The following CAMK4 variants were observed in gnomAD, a reference collection of about 807,000 sequenced individuals.
CAMK4 encodes calcium/calmodulin-dependent protein kinase type IV.
CAMK4 carries 22 observed loss-of-function variants against 44.9 expected under a neutral mutation model. The ratio of observed to expected loss-of-function variants is 0.49; its 90% CI spans 0.35 to 0.70. CAMK4 has a LOEUF of 0.70. Ranked by LOEUF, CAMK4 falls within the 30% of genes least tolerant of loss-of-function variation. The probability of loss-of-function intolerance (pLI) is 0.01; values close to 1 mark genes in which losing one functional copy is unlikely to be tolerated. For synonymous variants in CAMK4, 218 were observed against 215.4 expected (o/e 1.01, Z -0.11); for missense variants, 498 against 586.8 (o/e 0.85, Z 1.56).
chr5:111,397,649 CTGTGTGTGTGTGTG>C (rs3066726), intron 5 of CAMK4, among the ~76,000 whole-genome samples: 1 of 88,504 alleles, frequency 1.1e-5, no homozygotes, highest in Non-Finnish European at 2.4e-5. Context: ...AGTCAGCATG[CTGTGTGTGTGTGTG>C]TGTGTGTGTG....
At chr5:111,241,109 A>G (rs1265873640) in intron 1 of CAMK4, among the ~76,000 whole-genome samples, 1 of 152,082 alleles carries the variant, frequency 6.6e-6, no homozygotes, top group Non-Finnish European at 1.5e-5. Context: ...TTTTATTTGA[A>G]TAATAATAAT....
In CAMK4 at chr5:111,431,729, A is replaced by G. The variant is rs375668284; in HGVS notation, c.460-14957A>G. Among the ~76,000 whole-genome samples, 4 of 152,338 alleles carry G rather than the reference A, an allele frequency of 2.6e-5. No individual in the cohort carries two copies. The East Asian group carries it at 7.7e-4, about 29-fold the overall frequency. On this transcript the variant is annotated intron_variant, in intron 5 of 10. Coordinates refer to ENST00000282356, the MANE Select transcript of CAMK4 (RefSeq NM_001744.6). ...TTGAATAGACATTTCTCAAAAGAAG[A>G]CATACAAATGGCAAACAGGCATATG...
At chr5:111,320,983 T>G (rs983736217) in intron 1 of CAMK4, among the ~76,000 whole-genome samples, 4 of 152,182 alleles carry the variant, frequency 2.6e-5, no homozygotes, top group African/African-American at 9.7e-5. Flanking sequence ...ATTGTCTGAT[T>G]TGTGAAATGG....
Position 111,492,493 on chromosome 5 carries a change from C to A in CAMK4, c.*8027C>A, listed in dbSNP as rs753825735. On this transcript the variant is annotated 3_prime_UTR_variant, in exon 11 of 11. Coordinates refer to ENST00000282356, the MANE Select transcript of CAMK4 (RefSeq NM_001744.6). The stretch of plus-strand genomic sequence containing the variant: ...AATGTAGATTAGGATTCCACATTCT[C>A]CCCTGCCCATCTTCTTGATTGCTCA... The A allele has an allele frequency of 5.3e-5, 8 of 152,158 alleles. No individual in the cohort carries two copies. Among genetic ancestry groups the A allele is most frequent in the Non-Finnish European group, 8.8e-5 (6 of 68,018 alleles). The allele number at this position is 152,158 out of a possible 1,614,324, so 9.4% of individuals were successfully genotyped here. A position where few individuals can be genotyped will look rare whatever the true frequency, so the allele number is the denominator to read the frequency against.
intron 7 of CAMK4, among the ~76,000 whole-genome samples, chr5:111,460,943 A>T (rs1402384691): frequency 6.6e-6 from 1 of 152,212 alleles, no homozygotes; most frequent in East Asian, 1.9e-4. Flanking sequence ...AAGATGAGGG[A>T]AATAAACAGA....
At chr5:111,312,433 T>G (rs1457307380) in intron 1 of CAMK4, among the ~76,000 whole-genome samples, 1 of 152,202 alleles carries the variant, frequency 6.6e-6, no homozygotes, top group Non-Finnish European at 1.5e-5. Context: ...TGAAATGAGA[T>G]AATGCCTGTG....
intron 1 of CAMK4, among the ~76,000 whole-genome samples, chr5:111,242,292 AG>A (rs1749035150): frequency 6.6e-6 from 1 of 152,140 alleles, no homozygotes; most frequent in Non-Finnish European, 1.5e-5. Flanking sequence ...GAGTCTTTGA[AG>A]GGGTATAATA....
At chr5:111,248,641 G>A (rs1042680765) in intron 1 of CAMK4, among the ~76,000 whole-genome samples, 2 of 152,054 alleles carry the variant, frequency 1.3e-5, no homozygotes, top group Admixed American at 1.3e-4. Flanking sequence ...GGTATATGTT[G>A]TGCCTGATTC....
intron 1 of CAMK4, among the ~76,000 whole-genome samples, chr5:111,341,651 A>G (rs1561425068): frequency 6.6e-6 from 1 of 151,330 alleles, no homozygotes; most frequent in Non-Finnish European, 1.5e-5. Context: ...GAAATATGTA[A>G]CAATTACAGT....
chr5:111,464,173 T>G (rs750091960), intron 7 of CAMK4, among the ~76,000 whole-genome samples: 1 of 151,544 alleles, frequency 6.6e-6, no homozygotes, highest in Non-Finnish European at 1.5e-5. Flanking sequence ...GACGGACACA[T>G]TTAGAGAAAT....
At chr5:111,400,181 C>A (rs1752171872) in intron 5 of CAMK4, among the ~76,000 whole-genome samples, 1 of 151,776 alleles carries the variant, frequency 6.6e-6, no homozygotes, top group Non-Finnish European at 1.5e-5. Context: ...ACATTCAAAT[C>A]AAATGTTCCT....
intron 7 of CAMK4, among the ~76,000 whole-genome samples, chr5:111,454,827 A>G (rs1260540636): frequency 2.0e-5 from 3 of 150,386 alleles, no homozygotes; most frequent in Admixed American, 1.3e-4. Context: ...AAGTTGTTAG[A>G]GTAGAAAAGA....
intron 8 of CAMK4, among the ~76,000 whole-genome samples, chr5:111,474,095 A>G (rs941303543): frequency 6.6e-6 from 1 of 152,108 alleles, no homozygotes. Flanking sequence ...TAGAACAACT[A>G]GAAAATAAGA....
rs77881917 is a variant in CAMK4, at chr5:111,446,871, C to T, written c.550+95C>T. On this transcript the variant is annotated intron_variant, in intron 6 of 10. Transcript: ENST00000282356. ...TTAAATATTGCTCCATCCAGTTTTA[C>T]ATCCATTCAGTTTTCCTGAATAATT... is the stretch of plus-strand genomic sequence containing the variant. 349 of 773,886 alleles carry T rather than the reference C, an allele frequency of 4.5e-4. 1 individual carries two copies. The African/African-American group carries it at 5.1e-3, about 11-fold the overall frequency. The allele number at this position is 773,886 out of a possible 1,614,324, so 47.9% of individuals were successfully genotyped here.
intron 5 of CAMK4, among the ~76,000 whole-genome samples, chr5:111,411,212 G>A (rs1051725298): frequency 6.6e-5 from 10 of 152,112 alleles, no homozygotes; most frequent in African/African-American, 2.4e-4. Flanking sequence ...CCAAGACATG[G>A]GACACAGACA....
chr5:111,473,115 A>AC (rs2067314), intron 7 of CAMK4, among the ~76,000 whole-genome samples, 196 bp from the exon 8 acceptor site: 91,440 of 151,952 alleles, frequency 0.6, 27,748 homozygotes, highest in Non-Finnish European at 0.62. Flanking sequence ...TGCATCCCAA[A>AC]ACAGATAGAC....
chr5:111,382,511 T>G (rs921330474), intron 4 of CAMK4, among the ~76,000 whole-genome samples: 2 of 152,212 alleles, frequency 1.3e-5, no homozygotes, highest in Non-Finnish European at 2.9e-5. Flanking sequence ...AAAATGTGAT[T>G]GTTCAGAAAG....
Position 111,224,596 on chromosome 5 carries a change from A to G in CAMK4, c.113A>G (p.Asn38Ser). The G allele has an allele frequency of 1.2e-6, 2 of 1,612,134 alleles. No individual in the cohort carries two copies. Among genetic ancestry groups the G allele is most frequent in the South Asian group, 1.1e-5 (1 of 90,928 alleles). The change falls in exon 1 of 11, where the codon AAC becomes AGC. Residue 38 changes from asparagine (N) to serine (S), a missense_variant. By Grantham distance (46) the Asn-to-Ser change is conservative. Around this residue, in one of 3 missense-constraint regions of CAMK4, gnomAD observed 152 missense variants for 143.7 expected, o/e 1.06. Transcript: ENST00000282356. The surrounding 1 kb of genome is among the most constrained non-coding windows in gnomAD (Gnocchi z 5.7). ...LVPDYWIDGS[N>S]RDALSDFFEV... ...CCGGATTACTGGATCGACGGCTCCA[A>G]CAGGGATGCGCTGAGCGATTTCTTC...
intron 5 of CAMK4, among the ~76,000 whole-genome samples, chr5:111,399,981 A>T (rs1346020236): frequency 1.3e-5 from 2 of 152,150 alleles, no homozygotes; most frequent in East Asian, 3.8e-4. Context: ...ACCAGTTAAG[A>T]AATAAAAGAG....
Sources: gnomAD v4.1 joint callset for allele counts (sites outside exome capture counted in the v4.1 genomes callset) on GRCh38, gnomAD v4.1.1 for gene constraint, gnomAD v4.1.1 regional missense constraint, Gnocchi (gnomAD v3.1) non-coding constraint, MANE v1.5 for transcripts, NCBI Gene and HGNC (gene_info 2026-07-23, HGNC 2026-07-21) for gene names.